The following ATP8B1 variants were observed in gnomAD, a reference collection of about 807,000 sequenced individuals.
ATP8B1 encodes phospholipid-transporting ATPase IC.
Under a neutral mutation model 149.9 loss-of-function variants are expected in ATP8B1, and 80 were observed. The ratio of observed to expected loss-of-function variants is 0.53; its 90% confidence interval spans 0.45 to 0.64. The LOEUF is 0.64. ATP8B1 is among the 30% of genes least tolerant of loss of function. The pLI, the probability that ATP8B1 is intolerant of heterozygous loss-of-function variation, is 0.00. For synonymous variants in ATP8B1, 536 were observed against 562.8 expected (o/e 0.95, Z 0.67); for missense variants, 1,247 against 1,552.6 (o/e 0.80, Z 3.31).
chr18:57,746,729 A>G (rs907389041), intron 1 of ATP8B1, among the ~76,000 whole-genome samples: 1 of 150,914 alleles, frequency 6.6e-6, no homozygotes, highest in Non-Finnish European at 1.5e-5. Context: ...ACCTGCCTTG[A>G]CCTCCCAAAG....
intron 1 of ATP8B1, among the ~76,000 whole-genome samples, chr18:57,750,326 A>G (rs889122351): frequency 6.6e-6 from 1 of 152,256 alleles, no homozygotes; most frequent in East Asian, 1.9e-4. Flanking sequence ...TGCACACTGC[A>G]CAACTCAAAG....
chr18:57,729,843 G>T (rs2079743602), intron 2 of ATP8B1, among the ~76,000 whole-genome samples: 1 of 422 alleles, frequency 2.4e-3, no homozygotes, highest in Admixed American at 0.036. Context: ...GAGCCACTGT[G>T]CCCGGCAGGG....
At chr18:57,700,998 CA>C in intron 6 of ATP8B1, 40 bp downstream of exon 6, 16 of 1,537,758 alleles carry the variant, frequency 1.0e-5, no homozygotes, top group Non-Finnish European at 1.4e-5. Flanking sequence ...CAGAGTTATG[CA>C]TTACATCCTT....
chr18:57,799,780 CTATA>C (rs1414984301), intron 1 of ATP8B1, among the ~76,000 whole-genome samples: 4 of 151,740 alleles, frequency 2.6e-5, no homozygotes, highest in Admixed American at 1.3e-4. Flanking sequence ...ATGCTCATAT[CTATA>C]TACATACATG....
chr18:57,769,875 AAC>A (rs1034043522), intron 1 of ATP8B1, among the ~76,000 whole-genome samples: 2 of 152,204 alleles, frequency 1.3e-5, no homozygotes, highest in African/African-American at 4.8e-5. Context: ...CCAAACATTT[AAC>A]ACACACAAAT....
chr18:57,790,384 C>T (rs2080452625), intron 1 of ATP8B1, among the ~76,000 whole-genome samples: 2 of 146,552 alleles, frequency 1.4e-5, no homozygotes, highest in African/African-American at 5.0e-5. Context: ...GGAATCAAAT[C>T]ACATCACGCC....
At chr18:57,648,780 GT>G (rs2122528384) in intron 27 of ATP8B1, 68 bp from the exon 28 acceptor site, 2 of 1,493,694 alleles carry the variant, frequency 1.3e-6, no homozygotes, top group East Asian at 4.9e-5. Flanking sequence ...TGGCCAGACG[GT>G]TGACAGAAAT....
At chr18:57,763,707 T>G (rs974004529) in intron 1 of ATP8B1, among the ~76,000 whole-genome samples, 8 of 145,738 alleles carry the variant, frequency 5.5e-5, no homozygotes, top group Admixed American at 2.0e-4. Context: ...TTCTTTTTTT[T>G]GGGGGGCGGG....
intron 11 of ATP8B1, among the ~76,000 whole-genome samples, 168 bp downstream of exon 11, chr18:57,694,414 A>G (rs1398994344): frequency 6.6e-6 from 1 of 151,978 alleles, no homozygotes; most frequent in African/African-American, 2.4e-5. Flanking sequence ...AAAGTAAGGC[A>G]TTTCTGGAAA....
chr18:57,752,932 A>G (rs2080036217), intron 1 of ATP8B1, among the ~76,000 whole-genome samples: 2 of 152,230 alleles, frequency 1.3e-5, no homozygotes, highest in African/African-American at 2.4e-5. Context: ...AGAAATGACA[A>G]GATGTAGAGG....
intron 1 of ATP8B1, among the ~76,000 whole-genome samples, chr18:57,797,460 C>T (rs915651918): frequency 1.3e-5 from 2 of 152,206 alleles, no homozygotes; most frequent in Non-Finnish European, 2.9e-5. Flanking sequence ...TGACCCTCCC[C>T]TCCAGGAGTC....
intron 2 of ATP8B1, among the ~76,000 whole-genome samples, chr18:57,713,192 TTTCTTTCCTTCCTTCCTTCC>T (rs1432454991): frequency 4.3e-5 from 4 of 94,050 alleles, no homozygotes; most frequent in Non-Finnish European, 6.5e-5. Context: ...TCTTTCTTTC[TTTCTTTCCTTCCTTCCTTCC>T]TTCCTTCCTT....
At chr18:57,700,220 C>T (rs319458) in intron 6 of ATP8B1, among the ~76,000 whole-genome samples, 151,477 of 152,324 alleles carry the variant, frequency 0.99, 75,329 homozygotes, top group Middle Eastern at 1. Flanking sequence ...ACAATTTCGT[C>T]AATTGAAAGA....
chr18:57,710,670 T>G (rs1362749276), intron 2 of ATP8B1, among the ~76,000 whole-genome samples: 1 of 152,196 alleles, frequency 6.6e-6, no homozygotes, highest in Non-Finnish European at 1.5e-5. Context: ...TCAATGCTGT[T>G]CTCGCTGAGG....
chr18:57,651,738 C>A (rs1377880869), intron 26 of ATP8B1, among the ~76,000 whole-genome samples: 1 of 151,868 alleles, frequency 6.6e-6, no homozygotes, highest in Admixed American at 6.6e-5. Context: ...GTCAAGCAAT[C>A]CTCCCACTTC....
chr18:57,689,360 T>G (rs1186800686), intron 12 of ATP8B1, among the ~76,000 whole-genome samples: 1 of 152,144 alleles, frequency 6.6e-6, no homozygotes, highest in Non-Finnish European at 1.5e-5. Flanking sequence ...GATCCCTAAA[T>G]TATGATAAGG....
intron 1 of ATP8B1, among the ~76,000 whole-genome samples, chr18:57,800,071 A>G (rs2080559515): frequency 6.6e-6 from 1 of 152,242 alleles, no homozygotes; most frequent in South Asian, 2.1e-4. Context: ...GAAAACTCAC[A>G]AGATACCTAA....
chr18:57,764,757 CAAAAAAAA>C (rs71171091), intron 1 of ATP8B1, among the ~76,000 whole-genome samples: 11 of 104,156 alleles, frequency 1.1e-4, no homozygotes, highest in African/African-American at 3.1e-4. Context: ...TTTCAGTTGT[CAAAAAAAA>C]AAAAAAAAAA....
rs537256164 is a variant in ATP8B1, at chr18:57,651,210, GTCC to G, written c.3401-716_3401-714del. ...CAGCCTCAACCTCCTGGGCTCAGGT[GTCC>G]TCCTACCTTAGCCTCCTGAATAGCT... On this transcript the variant is annotated intron_variant, in intron 26 of 27. Coordinates refer to ENST00000648908, the MANE Select transcript of ATP8B1 (RefSeq NM_001374385.1). 1.9e-3 allele frequency among the ~76,000 whole-genome samples: 294 copies of G among 152,234 alleles called. 1 individual carries two copies. The highest frequency in any genetic ancestry group is 6.3e-3 in the African/African-American group (261 of 41,544).
Sources: gnomAD v4.1 joint callset for allele counts (sites outside exome capture counted in the v4.1 genomes callset) on GRCh38, gnomAD v4.1.1 for gene constraint, MANE v1.5 for transcripts, NCBI Gene and HGNC (gene_info 2026-07-23, HGNC 2026-07-21) for gene names.